Variants in DPP10 observed in about 807,000 individuals in gnomAD.
DPP10 encodes the protein inactive dipeptidyl peptidase 10.
A neutral mutation model predicts 120.9 loss-of-function variants in DPP10; 33 were observed. The observed-to-expected ratio is 0.27, with a 90% CI of 0.21 to 0.37. The LOEUF (loss-of-function observed/expected upper bound fraction) is 0.37, where lower values mean the gene tolerates loss of function less well. Ranked by LOEUF, DPP10 falls within the 10% of genes least tolerant of loss-of-function variation. DPP10 has a pLI of 1.00. For synonymous variants in DPP10, 337 were observed against 326.1 expected, an observed-to-expected ratio of 1.03 and a Z score of -0.36; for missense variants, 816 against 942.8, an observed-to-expected ratio of 0.87 and a Z score of 1.76.
intron 5 of DPP10, among the ~76,000 whole-genome samples, chr2:115,622,904 T>A (rs2085074962): frequency 6.7e-6 from 1 of 150,360 alleles, no homozygotes; most frequent in Non-Finnish European, 1.5e-5. Flanking sequence ...GTGCAGTGGC[T>A]CTATCTCTGC....
intron 1 of DPP10, among the ~76,000 whole-genome samples, chr2:115,086,735 G>A (rs896272242): frequency 2.6e-5 from 4 of 152,044 alleles, no homozygotes; most frequent in Non-Finnish European, 4.4e-5. Flanking sequence ...GGATTAGGGC[G>A]TGAGCCACCG....
At chr2:115,762,663 C>T (rs1680258258) in intron 12 of DPP10, 53 bp downstream of exon 12, 1 of 1,592,160 alleles carries the variant, frequency 6.3e-7, no homozygotes, top group Admixed American at 1.7e-5. Context: ...TCCTGTTCAC[C>T]CATTTTTTAT....
intron 1 of DPP10, among the ~76,000 whole-genome samples, chr2:114,443,681 C>T (rs1325407362): frequency 1.4e-5 from 2 of 146,288 alleles, no homozygotes; most frequent in South Asian, 2.2e-4. Flanking sequence ...GTGATGGATT[C>T]GTCTGAAACT....
At position 115,830,424 on chromosome 2, in the gene DPP10, T is replaced by C. The variant is rs538636749; in HGVS notation, c.1951-5733T>C. ...AAGTTTAGTTGTCTTATAAACATTT[T>C]TTTTTAGAACAGATATCACTGTGAT... is the stretch of plus-strand genomic sequence containing the variant. On this transcript the variant is annotated intron_variant, in intron 21 of 25. Transcript: ENST00000410059. 1.2e-4 allele frequency among the ~76,000 whole-genome samples: 19 copies of C among 152,276 alleles called. No individual in the cohort carries two copies. In the South Asian group the frequency reaches 3.7e-3, roughly 30 times the overall value.
At chr2:115,481,594 G>A (rs2075431945) in intron 3 of DPP10, among the ~76,000 whole-genome samples, 1 of 151,904 alleles carries the variant, frequency 6.6e-6, no homozygotes, top group Non-Finnish European at 1.5e-5. Context: ...TGACCTCCTT[G>A]GTTCCGTCCA....
chr2:114,884,853 G>T (rs954350658), intron 1 of DPP10, among the ~76,000 whole-genome samples: 1 of 152,072 alleles, frequency 6.6e-6, no homozygotes, highest in Non-Finnish European at 1.5e-5. Flanking sequence ...TTCAAATAAC[G>T]GTCTCCAATA....
chr2:115,089,614 C>T (rs1219942267), intron 1 of DPP10, among the ~76,000 whole-genome samples: 1 of 152,200 alleles, frequency 6.6e-6, no homozygotes, highest in Non-Finnish European at 1.5e-5. Context: ...CCCTATCCTG[C>T]TACTTGCGGA....
intron 3 of DPP10, among the ~76,000 whole-genome samples, chr2:115,421,325 T>C (rs1357672171): frequency 6.6e-6 from 1 of 152,160 alleles, no homozygotes; most frequent in Non-Finnish European, 1.5e-5. Flanking sequence ...AAATATACTG[T>C]GGAACTATGA....
At chr2:115,014,696 G>A (rs1226483542) in intron 1 of DPP10, among the ~76,000 whole-genome samples, 1 of 152,022 alleles carries the variant, frequency 6.6e-6, no homozygotes, top group African/African-American at 2.4e-5. Flanking sequence ...ACTACCATCA[G>A]ATAATATTAT....
chr2:114,626,012 T>C lies in DPP10; in HGVS notation c.60+183174T>C, dbSNP rs1694480244. On this transcript the variant is annotated intron_variant, in intron 1 of 25. Coordinates refer to ENST00000410059, the MANE Select transcript of DPP10 (RefSeq NM_020868.6). ...GAGGATACTTTTTTTTTTTAGAAAA[T>C]AAAATATATTATAAATTTATACTGA... 4.0e-5 allele frequency among the ~76,000 whole-genome samples: 6 copies of C among 151,454 alleles called. No homozygotes were observed. The South Asian group carries it at 1.2e-3, about 32-fold the overall frequency.
intron 1 of DPP10, among the ~76,000 whole-genome samples, chr2:114,774,001 T>G (rs943693723): frequency 6.6e-6 from 1 of 152,048 alleles, no homozygotes; most frequent in African/African-American, 2.4e-5. Flanking sequence ...ATTTGATATA[T>G]AGGTATGTGT....
chr2:115,802,626 T>C (rs1170301760), intron 19 of DPP10, among the ~76,000 whole-genome samples: 1 of 152,176 alleles, frequency 6.6e-6, no homozygotes, highest in Non-Finnish European at 1.5e-5. Flanking sequence ...TTCTGGTATA[T>C]TGTGTCTTTG....
At chr2:114,773,359 G>A (rs2680927) in intron 1 of DPP10, among the ~76,000 whole-genome samples, 4,807 of 42,968 alleles carry the variant, frequency 0.11, 533 homozygotes, top group African/African-American at 0.3. Flanking sequence ...TTATAACTCA[G>A]CAGGCCTGAC....
At chr2:114,850,021 C>CCCTTT (rs1688831757) in intron 1 of DPP10, among the ~76,000 whole-genome samples, 1 of 135,276 alleles carries the variant, frequency 7.4e-6, no homozygotes, top group African/African-American at 2.6e-5. Flanking sequence ...CCCTTCCCTT[C>CCCTTT]CCTTTCCTTC....
intron 1 of DPP10, among the ~76,000 whole-genome samples, chr2:115,013,017 T>A (rs572942865): frequency 3.9e-5 from 6 of 152,322 alleles, no homozygotes; most frequent in African/African-American, 1.4e-4. Context: ...TACTGTTAAG[T>A]GTGAATTTGA....
chr2:115,127,380 A>G (rs1398682463), intron 1 of DPP10, among the ~76,000 whole-genome samples: 3 of 152,210 alleles, frequency 2.0e-5, no homozygotes, highest in Non-Finnish European at 4.4e-5. Context: ...TTCATCTAGC[A>G]GCTACTGCTG....
At chr2:115,690,758 G>T (rs1483131096) in intron 7 of DPP10, among the ~76,000 whole-genome samples, 1 of 152,106 alleles carries the variant, frequency 6.6e-6, no homozygotes. Context: ...ACAATGTAAA[G>T]CCTTTCTCAA....
At chr2:114,620,646 C>T (rs889378412) in intron 1 of DPP10, among the ~76,000 whole-genome samples, 2 of 151,912 alleles carry the variant, frequency 1.3e-5, no homozygotes, top group South Asian at 2.1e-4. Flanking sequence ...TTTGGTTTTA[C>T]GTATTTGTTT....
chr2:114,763,993 G>C (rs1054968018), intron 1 of DPP10, among the ~76,000 whole-genome samples: 4 of 152,128 alleles, frequency 2.6e-5, no homozygotes, highest in African/African-American at 9.7e-5. Flanking sequence ...CTCTTTTGCA[G>C]AAAGAAATTT....
Sources: allele counts gnomAD v4.1 joint callset (sites outside exome capture counted in the v4.1 genomes callset), GRCh38; gene constraint gnomAD v4.1.1; transcripts MANE v1.5; gene names NCBI Gene and HGNC (gene_info 2026-07-23, HGNC 2026-07-21).